PIEZO2: variants seen among roughly 807,000 people sequenced by gnomAD.
PIEZO2 encodes piezo-type mechanosensitive ion channel component 2.
Under a neutral mutation model 337.3 loss-of-function variants are expected in PIEZO2, and 172 were observed. The observed-to-expected ratio is 0.51, with a 90% CI of 0.45 to 0.58. The LOEUF (loss-of-function observed/expected upper bound fraction) is 0.58, where lower values mean the gene tolerates loss of function less well. Ranked by LOEUF, PIEZO2 falls within the 20% of genes least tolerant of loss-of-function variation. The pLI, the probability that PIEZO2 is intolerant of heterozygous loss-of-function variation, is 0.00. For missense variants in PIEZO2, 3,028 were observed against 3,391.3 expected (o/e 0.89, Z 2.66); for synonymous variants, 1,251 against 1,228.5 (o/e 1.02, Z -0.38).
chr18:11,052,234 C>T (rs1274315286), intron 2 of PIEZO2, among the ~76,000 whole-genome samples: 1 of 152,184 alleles, frequency 6.6e-6, no homozygotes, highest in Admixed American at 6.5e-5. Context: ...GATAAAGAAC[C>T]TCTCCAGATT....
At chr18:11,073,445 C>T (rs1339718311) in intron 1 of PIEZO2, among the ~76,000 whole-genome samples, 1 of 152,194 alleles carries the variant, frequency 6.6e-6, no homozygotes, top group East Asian at 1.9e-4. Context: ...ATGTGTCCTT[C>T]AGAGAGGCCC....
In PIEZO2 at chr18:10,828,310, T is replaced by C. The variant is rs376579818; in HGVS notation, c.918-21036A>G. ...GAAAATTTCCCCAAGTCCAACAATT[T>C]AAAGTTATTAAAATTGGATGCCCAC... On this transcript the variant is annotated intron_variant, in intron 7 of 55. Transcript: ENST00000674853. The surrounding 1 kb of genome is among the most constrained non-coding windows in gnomAD (Gnocchi z 4.1). 7.9e-5 allele frequency among the ~76,000 whole-genome samples: 12 copies of C among 152,244 alleles called. No individual in the cohort carries two copies. The South Asian group carries it at 2.3e-3, about 29-fold the overall frequency.
chr18:10,793,913 T>A (rs915773496), intron 13 of PIEZO2, among the ~76,000 whole-genome samples: 1 of 152,114 alleles, frequency 6.6e-6, no homozygotes, highest in African/African-American at 2.4e-5. Flanking sequence ...AAGACCAAAC[T>A]TTGCCCTAGT....
intron 11 of PIEZO2, among the ~76,000 whole-genome samples, chr18:10,797,858 A>G (rs12608436): frequency 0.5 from 76,832 of 152,158 alleles, 19,932 homozygotes; most frequent in Middle Eastern, 0.59. Context: ...ACCTGTGACA[A>G]GCTTCTTCTA....
Position 10,720,240 on chromosome 18 carries a change from A to G in PIEZO2, c.5030-1981T>C, listed in dbSNP as rs201047112. Among the ~76,000 whole-genome samples, 659 of 126,728 alleles carry G rather than the reference A, an allele frequency of 5.2e-3. 28 individuals carry two copies. The highest frequency in any genetic ancestry group is 0.013 in the African/African-American group (472 of 36,682). 83.1% of individuals were successfully genotyped at this position (126,728 alleles called of 152,430 possible). A position where few individuals can be genotyped will look rare whatever the true frequency, so the allele number is the denominator to read the frequency against. On this transcript the variant is annotated intron_variant, in intron 36 of 55. Transcript: ENST00000674853. Reference sequence around the variant, plus strand: ...TGAATATATGTGTGTGTGTGTATATATATATATATGGAGCCCAGGTAATAT... The same window carrying G: ...TGAATATATGTGTGTGTGTGTATATGTATATATATGGAGCCCAGGTAATAT...
At chr18:10,691,598 C>T (rs1390263092) in intron 47 of PIEZO2, among the ~76,000 whole-genome samples, 1 of 151,578 alleles carries the variant, frequency 6.6e-6, no homozygotes, top group South Asian at 2.1e-4. Context: ...ATGGTGCCTC[C>T]AATCTGTCTT....
intron 4 of PIEZO2, among the ~76,000 whole-genome samples, chr18:10,881,942 C>T: frequency 6.6e-6 from 1 of 152,166 alleles, no homozygotes. Flanking sequence ...CTCTTTCTTC[C>T]AGGCTCCTCA....
At chr18:10,696,624 A>T (rs2035101049) in intron 45 of PIEZO2, 85 bp from the exon 46 acceptor site, 1 of 1,465,534 alleles carries the variant, frequency 6.8e-7, no homozygotes, top group Non-Finnish European at 9.4e-7. Flanking sequence ...CCATCATGCC[A>T]CTCCTCTGCA....
In PIEZO2 at chr18:10,677,372, C is replaced by A. The variant is rs914553139; in HGVS notation, c.8081+375G>T. Reference sequence around the variant, plus strand: ...AGCTGGGAGTACAGATGTGCACCACCACGCTTAGCTAATCTTTGTATTTTC... The same window carrying A: ...AGCTGGGAGTACAGATGTGCACCACAACGCTTAGCTAATCTTTGTATTTTC... On this transcript the variant is annotated intron_variant, in intron 53 of 55. Transcript: ENST00000674853. The surrounding 1 kb of genome is among the most constrained non-coding windows in gnomAD (Gnocchi z 4.1). 3 of 198,908 alleles carry A rather than the reference C, an allele frequency of 1.5e-5. No individual in the cohort carries two copies. Among genetic ancestry groups the A allele is most frequent in the African/African-American group, 7.2e-5 (3 of 41,676 alleles). 12.3% of individuals were successfully genotyped at this position (198,908 alleles called of 1,614,324 possible). A position where few individuals can be genotyped will look rare whatever the true frequency, so the allele number is the denominator to read the frequency against.
chr18:11,053,233 A>G (rs1238673299), intron 2 of PIEZO2, among the ~76,000 whole-genome samples: 1 of 152,230 alleles, frequency 6.6e-6, no homozygotes, highest in East Asian at 1.9e-4. Flanking sequence ...TAATCTAAGT[A>G]CTATGTAACT....
At position 10,987,110 on chromosome 18, in the gene PIEZO2, T is replaced by C. The variant is rs2034905299; in HGVS notation, c.161-7450A>G. 2.6e-5 allele frequency among the ~76,000 whole-genome samples: 4 copies of C among 152,048 alleles called. No individual in the cohort carries two copies. The South Asian group carries it at 8.3e-4, about 32-fold the overall frequency. ...CATGTTCATGGACTGGAATAATTAA[T>C]GTATTTAAGATGCCCATACTGCCAA... On this transcript the variant is annotated intron_variant, in intron 2 of 55. Coordinates refer to ENST00000674853, the MANE Select transcript of PIEZO2 (RefSeq NM_001378183.1).
chr18:11,036,155 G>A (rs1419824165), intron 2 of PIEZO2, among the ~76,000 whole-genome samples: 1 of 152,142 alleles, frequency 6.6e-6, no homozygotes, highest in Non-Finnish European at 1.5e-5. Flanking sequence ...TGTTCCCTTG[G>A]AGTTCCTAAA....
intron 4 of PIEZO2, among the ~76,000 whole-genome samples, chr18:10,907,602 T>C (rs1276617766): frequency 1.3e-5 from 2 of 152,140 alleles, no homozygotes; most frequent in African/African-American, 2.4e-5. Context: ...GAAACATTTG[T>C]TGTATTAAGC....
chr18:10,776,738 C>A (rs2038802454), intron 18 of PIEZO2, among the ~76,000 whole-genome samples: 1 of 152,310 alleles, frequency 6.6e-6, no homozygotes, highest in Middle Eastern at 3.4e-3. Context: ...GAGGCAGACC[C>A]AGCTGCGGTT....
intron 3 of PIEZO2, among the ~76,000 whole-genome samples, chr18:10,932,436 T>C (rs1197130182): frequency 6.6e-6 from 1 of 152,078 alleles, no homozygotes; most frequent in Non-Finnish European, 1.5e-5. Flanking sequence ...CACATAGCCA[T>C]GAATTCTCCA....
At chr18:10,871,194 T>TA in intron 5 of PIEZO2, 59 bp downstream of exon 5, 2 of 1,459,536 alleles carry the variant, frequency 1.4e-6, no homozygotes, top group Non-Finnish European at 1.8e-6. Flanking sequence ...GTTCTGCAAC[T>TA]TATTAAGGGT....
At chr18:10,931,173 T>C (rs910102554) in intron 3 of PIEZO2, among the ~76,000 whole-genome samples, 1 of 151,964 alleles carries the variant, frequency 6.6e-6, no homozygotes, top group Non-Finnish European at 1.5e-5. Flanking sequence ...TAAATATATA[T>C]CTACTTATAA....
chr18:10,753,982 C>T (rs2037744581), intron 27 of PIEZO2, among the ~76,000 whole-genome samples: 1 of 152,128 alleles, frequency 6.6e-6, no homozygotes, highest in African/African-American at 2.4e-5. Context: ...AGCCTAGGGG[C>T]CTTCTGAAGT....
At chr18:10,907,472 A>C (rs2030056385) in intron 4 of PIEZO2, among the ~76,000 whole-genome samples, 1 of 152,068 alleles carries the variant, frequency 6.6e-6, no homozygotes, top group African/African-American at 2.4e-5. Flanking sequence ...TATTTGTTTC[A>C]AGCATCATGT....
Sources: allele counts gnomAD v4.1 joint callset (sites outside exome capture counted in the v4.1 genomes callset), GRCh38; gene constraint gnomAD v4.1.1; non-coding constraint Gnocchi (gnomAD v3.1); transcripts MANE v1.5; gene names NCBI Gene and HGNC (gene_info 2026-07-23, HGNC 2026-07-21).